ERCC4: variants seen among roughly 807,000 people sequenced by gnomAD.
ERCC4 encodes ERCC excision repair 4, endonuclease catalytic subunit.
ERCC4 carries 65 observed loss-of-function variants against 76.9 expected under a neutral mutation model. The ratio of observed to expected loss-of-function variants is 0.84; its 90% confidence interval spans 0.69 to 1.04. The LOEUF is 1.04. Among genes scored for constraint, ERCC4 ranks in the 50% least tolerant of loss-of-function variants. ERCC4 has a pLI of 0.00. For missense variants in ERCC4, 1,214 were observed against 1,128.2 expected (o/e 1.08, Z -1.09); for synonymous variants, 463 against 410.1 (o/e 1.13, Z -1.56).
chr16:13,952,114 G>A lies in ERCC4; in HGVS notation c.*3767G>A, dbSNP rs1242113543. The stretch of plus-strand genomic sequence containing the variant: ...AGATGTATAAGCCAAAATTTGGATG[G>A]GAGTGAGACATAACTGATTTATATG... On this transcript the variant is annotated 3_prime_UTR_variant, in exon 11 of 11. Coordinates refer to ENST00000311895, the MANE Select transcript of ERCC4 (RefSeq NM_005236.3). The A allele has an allele frequency of 1.6e-5, 3 of 192,360 alleles. No individual in the cohort carries two copies. Among genetic ancestry groups the A allele is most frequent in the Non-Finnish European group, 3.3e-5 (3 of 92,268 alleles). 11.9% of individuals were successfully genotyped at this position (192,360 alleles called of 1,614,324 possible). A position where few individuals can be genotyped will look rare whatever the true frequency, so the allele number is the denominator to read the frequency against.
Position 13,947,796 on chromosome 16 carries a change from G to A in ERCC4, c.2200G>A (p.Gly734Ser), listed in dbSNP as rs753924297. The stretch of plus-strand genomic sequence containing the variant: ...GCGCAAGAGTATCAGTGATTTAATC[G>A]GCTCTTTAAATAACGGCCGCCTCTA... ...VERKSISDLI[G>S]SLNNGRLYSQ... Residue 734 changes from glycine to serine, a missense_variant, in exon 11 of 11, where the codon GGC becomes AGC. Coordinates refer to ENST00000311895, the MANE Select transcript of ERCC4 (RefSeq NM_005236.3). 33 of 1,614,050 alleles carry A rather than the reference G, an allele frequency of 2.0e-5. No individual in the cohort carries two copies. Among genetic ancestry groups the A allele is most frequent in the South Asian group, 1.9e-4 (17 of 91,090 alleles).
chr16:13,933,885 G>T (rs1468361561), intron 6 of ERCC4: 1 of 266,218 alleles, frequency 3.8e-6, no homozygotes, highest in Non-Finnish European at 7.2e-6. Flanking sequence ...CGATGCCTTT[G>T]TTTTGTATAG....
At position 13,947,848 on chromosome 16, in the gene ERCC4, A is replaced by G; in HGVS notation, c.2252A>G (p.Tyr751Cys). The G allele has an allele frequency of 6.2e-7, 1 of 1,614,198 alleles. No individual in the cohort carries two copies. The highest frequency in any genetic ancestry group is 8.5e-7 in the Non-Finnish European group (1 of 1,180,034). ...LYSQCISMSRYYKRPVLLIEF... is the reference protein window; with the variant it reads ...LYSQCISMSRCYKRPVLLIEF... ...AGCCAGTGCATCTCCATGTCCCGCT[A>G]CTACAAGCGTCCCGTGCTTCTGATT... is the stretch of plus-strand genomic sequence containing the variant. The change falls in exon 11 of 11, where the codon TAC becomes TGC. Residue 751 changes from tyrosine to cysteine, a missense_variant. Coordinates refer to ENST00000311895, the MANE Select transcript of ERCC4 (RefSeq NM_005236.3).
intron 9 of ERCC4, among the ~76,000 whole-genome samples, chr16:13,942,344 TAGTTA>T (rs761272739): frequency 1.3e-5 from 2 of 152,252 alleles, no homozygotes; most frequent in Non-Finnish European, 2.9e-5. Flanking sequence ...ATTCGACTTG[TAGTTA>T]AGTTATAACA....
intron 9 of ERCC4, 64 bp from the exon 10 acceptor site, chr16:13,944,659 C>A: frequency 9.3e-7 from 1 of 1,071,332 alleles, no homozygotes; most frequent in Non-Finnish European, 1.5e-6. Context: ...CTACAATTTA[C>A]ACACAATAAA....
Position 13,943,219 on chromosome 16 carries a change from C to T in ERCC4, c.1905-1504C>T, listed in dbSNP as rs186707429. On this transcript the variant is annotated intron_variant, in intron 9 of 10. Transcript: ENST00000311895. Reference sequence around the variant, plus strand: ...CAGAGTGGTTGAAGAATTGAACCCTCTGATTTCATTTCCTCTAATGGGTGT... The same window carrying T: ...CAGAGTGGTTGAAGAATTGAACCCTTTGATTTCATTTCCTCTAATGGGTGT... Among the ~76,000 whole-genome samples, 376 of 152,320 alleles carry T rather than the reference C, an allele frequency of 2.5e-3. 1 individual carries two copies. Among genetic ancestry groups the T allele is most frequent in the Non-Finnish European group, 3.9e-3 (265 of 68,032 alleles).
In ERCC4 at chr16:13,950,491, G is replaced by A. The variant is rs2032609924; in HGVS notation, c.*2144G>A. On this transcript the variant is annotated 3_prime_UTR_variant, in exon 11 of 11. Coordinates refer to ENST00000311895, the MANE Select transcript of ERCC4 (RefSeq NM_005236.3). Reference sequence around the variant, plus strand: ...TAGTTTAAGATGGAATAAAGATTTGGGCTGCTAATTTTTTCCCAGGATTCA... The same window carrying A: ...TAGTTTAAGATGGAATAAAGATTTGAGCTGCTAATTTTTTCCCAGGATTCA... 1 of 192,596 alleles carries A rather than the reference G, an allele frequency of 5.2e-6. No homozygotes were observed. The highest frequency in any genetic ancestry group is 1.9e-4 in the South Asian group (1 of 5,158). 11.9% of individuals were successfully genotyped at this position (192,596 alleles called of 1,614,324 possible).
chr16:13,931,351 C>A lies in ERCC4; in HGVS notation c.973+461C>A, dbSNP rs1596623435. On this transcript the variant is annotated intron_variant, in intron 5 of 10. Coordinates refer to ENST00000311895, the MANE Select transcript of ERCC4 (RefSeq NM_005236.3). ...TCTCGTTTGGCTACCACTGTTTTGGCCTCTGTCACTGTTTGACCAGACCAG... is the reference window on the plus strand; with the variant it reads ...TCTCGTTTGGCTACCACTGTTTTGGACTCTGTCACTGTTTGACCAGACCAG... 2.3e-5 allele frequency: 4 copies of A among 175,780 alleles called. No homozygotes were observed. The South Asian group carries it at 3.9e-4, about 17-fold the overall frequency. 10.9% of individuals were successfully genotyped at this position (175,780 alleles called of 1,614,324 possible). A position where few individuals can be genotyped will look rare whatever the true frequency, so the allele number is the denominator to read the frequency against.
In ERCC4 at chr16:13,928,216, T is replaced by C; in HGVS notation, c.773T>C (p.Ile258Thr). 1 of 1,612,022 alleles carries C rather than the reference T, an allele frequency of 6.2e-7. No homozygotes were observed. The highest frequency in any genetic ancestry group is 8.5e-7 in the Non-Finnish European group (1 of 1,178,382). ...EVEDLSLENAIGKPFDKTIRH... is the reference protein window; with the variant it reads ...EVEDLSLENATGKPFDKTIRH... Reference sequence around the variant, plus strand: ...GAAGATTTATCTTTAGAAAATGCTATTGGAAAACCTTTTGACAAGGTACTC... The same window carrying C: ...GAAGATTTATCTTTAGAAAATGCTACTGGAAAACCTTTTGACAAGGTACTC... The change falls in exon 4 of 11, where the codon ATT (isoleucine) becomes ACT (threonine). Residue 258 changes from isoleucine (I) to threonine (T), a missense_variant. Physicochemically the swap from Ile to Thr is moderately conservative, Grantham distance 89. Coordinates refer to ENST00000311895, the MANE Select transcript of ERCC4 (RefSeq NM_005236.3).
chr16:13,936,359 G>A (rs528882418), intron 8 of ERCC4, among the ~76,000 whole-genome samples: 1 of 152,314 alleles, frequency 6.6e-6, no homozygotes, highest in East Asian at 1.9e-4. Context: ...CAAAAACGGA[G>A]CCAAAAGAAA....
chr16:13,927,909 T>G (rs1483354259), intron 3 of ERCC4, 119 bp from the exon 4 acceptor site: 3 of 725,298 alleles, frequency 4.1e-6, no homozygotes, highest in Non-Finnish European at 7.3e-6. Flanking sequence ...TTTCATTTGT[T>G]TGTTGTTTTG....
At chr16:13,929,689 G>A (rs950375864) in intron 4 of ERCC4, among the ~76,000 whole-genome samples, 1 of 152,182 alleles carries the variant, frequency 6.6e-6, no homozygotes, top group Non-Finnish European at 1.5e-5. Context: ...TAATTGGCCG[G>A]GTGCGGTGGC....
At chr16:13,943,843 A>G (rs1427558981) in intron 9 of ERCC4, 1 of 152,228 alleles carries the variant, frequency 6.6e-6, no homozygotes, top group East Asian at 1.9e-4. Context: ...AGAATTAATT[A>G]TAACATACTT....
rs375860375 is a variant in ERCC4 at position 13,947,782 on chromosome 16, T to C, written c.2186T>C (p.Ile729Thr). The change falls in exon 11 of 11, where the codon ATC becomes ACC. Residue 729 changes from isoleucine to threonine, a missense_variant. Coordinates refer to ENST00000311895, the MANE Select transcript of ERCC4 (RefSeq NM_005236.3). Reference protein sequence around the residue: ...TPEMCVERKSISDLIGSLNNG... With the variant: ...TPEMCVERKSTSDLIGSLNNG... Reference sequence around the variant, plus strand: ...GAAATGTGCGTGGAGCGCAAGAGTATCAGTGATTTAATCGGCTCTTTAAAT... The same window carrying C: ...GAAATGTGCGTGGAGCGCAAGAGTACCAGTGATTTAATCGGCTCTTTAAAT... 1.4e-4 allele frequency: 221 copies of C among 1,614,112 alleles called. No homozygotes were observed. The highest frequency in any genetic ancestry group is 1.8e-4 in the Non-Finnish European group (214 of 1,180,046).
chr16:13,937,069 G>T (rs951459601), intron 8 of ERCC4, among the ~76,000 whole-genome samples: 2 of 147,742 alleles, frequency 1.4e-5, no homozygotes, highest in African/African-American at 5.1e-5. Flanking sequence ...ACAGGCATGT[G>T]CCACCATGCT....
intron 9 of ERCC4, among the ~76,000 whole-genome samples, chr16:13,941,118 A>G (rs1424715673): frequency 2.0e-5 from 3 of 152,206 alleles, no homozygotes; most frequent in African/African-American, 7.2e-5. Context: ...ACTCAGTGAC[A>G]AGATGTGGAT....
chr16:13,931,073 T>TA (rs1217136428), intron 5 of ERCC4, 183 bp downstream of exon 5: 2 of 619,848 alleles, frequency 3.2e-6, no homozygotes, highest in South Asian at 3.9e-5. Flanking sequence ...TCCGCCTACT[T>TA]AACGTCTGTT....
intron 9 of ERCC4, among the ~76,000 whole-genome samples, chr16:13,941,685 C>T (rs1251687194): frequency 6.6e-6 from 1 of 152,036 alleles, no homozygotes; most frequent in Non-Finnish European, 1.5e-5. Flanking sequence ...TTATTTCTAC[C>T]CAGGGACGTA....
At chr16:13,944,885 T>TG (rs1567252257) in intron 10 of ERCC4, 50 bp downstream of exon 10, 1 of 1,197,992 alleles carries the variant, frequency 8.3e-7, no homozygotes, top group East Asian at 2.3e-5. Flanking sequence ...AAGGGGGCTG[T>TG]GAAGTTCCAG....
Sources: gnomAD v4.1 joint callset for allele counts (sites outside exome capture counted in the v4.1 genomes callset) on GRCh38, gnomAD v4.1.1 for gene constraint, MANE v1.5 for transcripts, NCBI Gene and HGNC (gene_info 2026-07-23, HGNC 2026-07-21) for gene names.